COL5A1: variants seen among roughly 807,000 people sequenced by gnomAD.
COL5A1 encodes the protein collagen type V alpha 1 chain, also known as collagen alpha-1(V) chain.
A neutral mutation model predicts 263.7 loss-of-function variants in COL5A1; 16 were observed. The observed-to-expected ratio is 0.06, with a 90% CI of 0.04 to 0.09. The LOEUF is 0.09. COL5A1 is among the 10% of genes least tolerant of loss of function. The pLI is 1.00. For synonymous variants in COL5A1, 1,012 were observed against 1,004.5 expected (o/e 1.01, Z -0.14); for missense variants, 2,036 against 2,540.5 (o/e 0.80, Z 4.27).
intron 18 of COL5A1, among the ~76,000 whole-genome samples, chr9:134,760,257 C>G (rs1446092732): frequency 1.8e-3 from 196 of 109,908 alleles, no homozygotes; most frequent in African/African-American, 4.7e-3. Context: ...CCCACACACC[C>G]CACACTGATA....
At chr9:134,790,301 CCCATCCATCCATCCACCCACCCAT>C (rs1453351506) in intron 32 of COL5A1, among the ~76,000 whole-genome samples, 16 of 152,082 alleles carry the variant, frequency 1.1e-4, no homozygotes, top group Admixed American at 5.9e-4. Context: ...TGTCCTTTTA[CCCATCCATCCATCCACCCACCCAT>C]CCATCCATCC....
Position 134,841,372 on chromosome 9 carries a change from C to T in COL5A1, c.5371-785C>T, listed in dbSNP as rs1467220093. Among the ~76,000 whole-genome samples the T allele has an allele frequency of 1.3e-5, 2 of 152,144 alleles. No homozygotes were observed. The highest frequency in any genetic ancestry group is 2.9e-5 in the Non-Finnish European group (2 of 68,014). On this transcript the variant is annotated intron_variant, in intron 65 of 65. Coordinates refer to ENST00000371817, the MANE Select transcript of COL5A1 (RefSeq NM_000093.5). This position sits in a 1 kb window ranked among gnomAD's most constrained non-coding sequence, Gnocchi z 4.8. ...ATATTTGGGTGGCTTTGGGGAGGGA[C>T]CAAAGAATCTCACACCTGCGCTGCC... is the stretch of plus-strand genomic sequence containing the variant.
At chr9:134,779,432 A>G (rs1837174661) in intron 27 of COL5A1, among the ~76,000 whole-genome samples, 1 of 152,240 alleles carries the variant, frequency 6.6e-6, no homozygotes, top group Non-Finnish European at 1.5e-5. Context: ...GACAACTGCA[A>G]TAAATATGTT....
intron 4 of COL5A1, among the ~76,000 whole-genome samples, chr9:134,704,279 A>G (rs1419935572): frequency 2.0e-5 from 3 of 152,050 alleles, no homozygotes; most frequent in Non-Finnish European, 4.4e-5. Flanking sequence ...TAAAATGACA[A>G]TAATAGTACC....
intron 13 of COL5A1, among the ~76,000 whole-genome samples, 163 bp from the exon 14 acceptor site, chr9:134,752,426 G>C (rs1281286770): frequency 1.4e-5 from 2 of 147,826 alleles, no homozygotes; most frequent in African/African-American, 5.2e-5. Flanking sequence ...AGTCGGGGGG[G>C]GGGGGCCCTT....
rs904626412 is a variant in COL5A1, at chr9:134,754,939, C to T, written c.1827+613C>T. Among the ~76,000 whole-genome samples, 3 of 152,140 alleles carry T rather than the reference C, an allele frequency of 2.0e-5. No homozygotes were observed. The highest frequency in any genetic ancestry group is 2.1e-4 in the South Asian group (1 of 4,830). ...CCTTTCTGGTGAACGAGAGAAATTT[C>T]GGTGCAGGGTTGGATTTGTTTCAGT... On this transcript the variant is annotated intron_variant, in intron 16 of 65. Coordinates refer to ENST00000371817, the MANE Select transcript of COL5A1 (RefSeq NM_000093.5). The surrounding 1 kb of genome is among the most constrained non-coding windows in gnomAD (Gnocchi z 4.3).
chr9:134,812,715 G>A lies in COL5A1; in HGVS notation c.3852+3G>A, dbSNP rs1220391738. The A allele has an allele frequency of 7.1e-6, 11 of 1,559,416 alleles. No homozygotes were observed. The Admixed American group carries it at 7.7e-5, about 11-fold the overall frequency. ...ACCCTGGTGCAGTGGGAGAGAAGGT[G>A]AGGCTCGTGCCTGCTCTGGTGGCAG... On this transcript the variant is annotated splice_donor_region_variant and intron_variant, in intron 48 of 65. Coordinates refer to ENST00000371817, the MANE Select transcript of COL5A1 (RefSeq NM_000093.5).
chr9:134,787,839 C>T (rs984853946), intron 31 of COL5A1, among the ~76,000 whole-genome samples: 5 of 152,238 alleles, frequency 3.3e-5, no homozygotes, highest in African/African-American at 9.6e-5. Flanking sequence ...TCCCAAACAC[C>T]AGCCACCCTC....
At chr9:134,698,514 C>T (rs551004595) in intron 2 of COL5A1, among the ~76,000 whole-genome samples, 2 of 152,312 alleles carry the variant, frequency 1.3e-5, no homozygotes, top group South Asian at 4.1e-4. Flanking sequence ...CCCTGCAGCA[C>T]CTTACAGAGG....
At chr9:134,730,533 G>A (rs919817952) in intron 7 of COL5A1, 58 bp downstream of exon 7, 109 of 1,608,502 alleles carry the variant, frequency 6.8e-5, no homozygotes, top group Admixed American at 4.0e-4. Context: ...GGCCAGGGCT[G>A]GGGCCACAAT....
At position 134,754,295 on chromosome 9, in the gene COL5A1, C is replaced by T. The variant is rs769481403; in HGVS notation, c.1796C>T (p.Pro599Leu). 11 of 1,613,908 alleles carry T rather than the reference C, an allele frequency of 6.8e-6. No individual in the cohort carries two copies. The highest frequency in any genetic ancestry group is 2.2e-5 in the South Asian group (2 of 91,094). ...GPQGPRGVQG[P>L]PGPAGKPGRR... ...CAGGGTCCTCGAGGTGTGCAAGGCCCGCCTGGTCCGGCCGGGAAGCCCGGA... is the reference window on the plus strand; with the variant it reads ...CAGGGTCCTCGAGGTGTGCAAGGCCTGCCTGGTCCGGCCGGGAAGCCCGGA... The change falls in exon 16 of 66, where the codon CCG becomes CTG. Residue 599 changes from proline (P) to leucine (L), a missense_variant. This residue lies in a region of COL5A1 where 1,078 missense variants were observed against 1,521.4 expected (regional missense o/e 0.71). Transcript: ENST00000371817. The surrounding 1 kb of genome is among the most constrained non-coding windows in gnomAD (Gnocchi z 4.3).
At chr9:134,654,891 TGGG>T (rs1383762731) in intron 1 of COL5A1, among the ~76,000 whole-genome samples, 9 of 92,198 alleles carry the variant, frequency 9.8e-5, no homozygotes, top group South Asian at 4.3e-4. Context: ...TGTGTAGGGC[TGGG>T]GGTGTGTAGG....
In COL5A1 at chr9:134,837,205, G is replaced by T. The variant is rs181738965; in HGVS notation, c.5370+2001G>T. ...AAGAGAAATCAGGAACCCTGTAAAG[G>T]CGAGGCAGGACCTGGAGGGACAGCC... On this transcript the variant is annotated intron_variant, in intron 65 of 65. Coordinates refer to ENST00000371817, the MANE Select transcript of COL5A1 (RefSeq NM_000093.5). Among the ~76,000 whole-genome samples the T allele has an allele frequency of 1.3e-3, 192 of 152,266 alleles. 1 individual carries two copies. Among genetic ancestry groups the T allele is most frequent in the Admixed American group, 3.3e-3 (51 of 15,294 alleles).
intron 1 of COL5A1, among the ~76,000 whole-genome samples, chr9:134,685,126 C>CATCCTCCCATT (rs1832983170): frequency 2.1e-4 from 6 of 28,968 alleles, no homozygotes; most frequent in South Asian, 8.8e-4. Flanking sequence ...ATCCATCCAT[C>CATCCTCCCATT]CATCCATCCA....
intron 11 of COL5A1, among the ~76,000 whole-genome samples, chr9:134,748,997 C>T (rs575998668): frequency 5.9e-5 from 9 of 152,290 alleles, no homozygotes; most frequent in Middle Eastern, 3.4e-3. Context: ...CCAGCATTTT[C>T]GGAGCCCGAG....
rs1034674200 is a variant in COL5A1, at chr9:134,708,235, C to T, written c.654+6902C>T. Among the ~76,000 whole-genome samples the T allele has an allele frequency of 4.6e-5, 7 of 152,278 alleles. No individual in the cohort carries two copies. The South Asian group carries it at 1.0e-3, about 23-fold the overall frequency. ...GGGCAGGGCACTCCACCGCCTCGGG[C>T]AGCCCCAGGCACCCTGCTATGTCGT... On this transcript the variant is annotated intron_variant, in intron 4 of 65. Transcript: ENST00000371817.
chr9:134,642,124 C>T lies in COL5A1; in HGVS notation c.-64C>T. ...AGTGCGCTGCCCGGGCCGTGACCCG[C>T]GCCCCTGTGCGTCCCCGCGCGCCTC... On this transcript the variant is annotated 5_prime_UTR_variant, in exon 1 of 66. Coordinates refer to ENST00000371817, the MANE Select transcript of COL5A1 (RefSeq NM_000093.5). This position sits in a 1 kb window ranked among gnomAD's most constrained non-coding sequence, Gnocchi z 4.5. The T allele has an allele frequency of 1.6e-6, 2 of 1,224,286 alleles. No homozygotes were observed. Among genetic ancestry groups the T allele is most frequent in the Non-Finnish European group, 2.0e-6 (2 of 982,184 alleles). 75.8% of individuals were successfully genotyped at this position (1,224,286 alleles called of 1,614,324 possible).
chr9:134,813,661 C>G (rs1838626294), intron 48 of COL5A1, among the ~76,000 whole-genome samples: 1 of 152,266 alleles, frequency 6.6e-6, no homozygotes, highest in South Asian at 2.1e-4. Flanking sequence ...GGCCATCCCC[C>G]ACCTGGAGTG....
intron 18 of COL5A1, among the ~76,000 whole-genome samples, 156 bp from the exon 19 acceptor site, chr9:134,761,769 C>T (rs186340725): frequency 2.5e-4 from 38 of 152,320 alleles, no homozygotes; most frequent in African/African-American, 8.9e-4. Flanking sequence ...GGCTGAGGCA[C>T]ACGTGATCTT....
Sources: allele counts gnomAD v4.1 joint callset (sites outside exome capture counted in the v4.1 genomes callset), GRCh38; gene constraint gnomAD v4.1.1; regional missense constraint gnomAD v4.1.1; non-coding constraint Gnocchi (gnomAD v3.1); transcripts MANE v1.5; gene names NCBI Gene and HGNC (gene_info 2026-07-23, HGNC 2026-07-21).